MRTFA: variants seen among roughly 807,000 people sequenced by gnomAD.
MRTFA encodes myocardin related transcription factor A.
MRTFA carries 20 observed loss-of-function variants against 83.5 expected under a neutral mutation model. The ratio of observed to expected loss-of-function variants is 0.24; its 90% CI spans 0.17 to 0.35. The LOEUF is 0.35. Among genes scored for constraint, MRTFA ranks in the 10% least tolerant of loss-of-function variants. The probability of loss-of-function intolerance (pLI) is 1.00; values close to 1 mark genes in which losing one functional copy is unlikely to be tolerated. For synonymous variants in MRTFA, 659 were observed against 541.2 expected, an observed-to-expected ratio of 1.22 and a Z score of -3.02; for missense variants, 1,200 against 1,224.7, an observed-to-expected ratio of 0.98 and a Z score of 0.30.
rs372083854 is a variant in MRTFA, at chr22:40,516,613, G to C, written c.241+35493C>G. ...TAATTCCAACCCACAGAAACTATTA[G>C]CTACAACGGAAAAAATGTCTAATGT... On this transcript the variant is annotated intron_variant, in intron 3 of 14. Transcript: ENST00000355630. Among the ~76,000 whole-genome samples the C allele has an allele frequency of 3.9e-5, 6 of 152,144 alleles. No homozygotes were observed. In the East Asian group the frequency reaches 1.2e-3, roughly 29 times the overall value.
intron 3 of MRTFA, among the ~76,000 whole-genome samples, chr22:40,496,415 C>G (rs1429037623): frequency 6.8e-6 from 1 of 146,390 alleles, no homozygotes; most frequent in Admixed American, 6.9e-5. Flanking sequence ...TGGAATAGAA[C>G]AATCTATTTT....
chr22:40,497,199 T>TAGAGAAGGCCTCCAGGAGG (rs1426160856), intron 3 of MRTFA, among the ~76,000 whole-genome samples: 1 of 152,172 alleles, frequency 6.6e-6, no homozygotes, highest in Non-Finnish European at 1.5e-5. Context: ...GCTGGAGAGT[T>TAGAGAAGGCCTCCAGGAGG]AGAGAAGGCC....
chr22:40,474,676 A>T (rs1164503998), intron 3 of MRTFA, among the ~76,000 whole-genome samples: 1 of 152,236 alleles, frequency 6.6e-6, no homozygotes, highest in African/African-American at 2.4e-5. Flanking sequence ...CTGGGGATAC[A>T]GTAGTGACTG....
rs1165349569 is a variant in MRTFA at position 40,555,585 on chromosome 22, T to TA, written c.-21-3219_-21-3218insT. ...TTAAACCTCATAAATTAAAAAAAAT[T>TA]TTATATATATATATATATCTCCACT... On this transcript the variant is annotated intron_variant, in intron 2 of 14. Transcript: ENST00000355630. Among the ~76,000 whole-genome samples, 403 of 149,178 alleles carry TA rather than the reference T, an allele frequency of 2.7e-3. 1 individual carries two copies. Among genetic ancestry groups the TA allele is most frequent in the Middle Eastern group, 6.9e-3 (2 of 288 alleles).
At position 40,552,212 on chromosome 22, in the gene MRTFA, T is replaced by G; in HGVS notation, c.135A>C (p.Glu45Asp). 1 of 399,042 alleles carries G rather than the reference T, an allele frequency of 2.5e-6. No individual in the cohort carries two copies. The highest frequency in any genetic ancestry group is 4.4e-6 in the Non-Finnish European group (1 of 226,086). The allele number at this position is 399,042 out of a possible 1,614,324, so 24.7% of individuals were successfully genotyped here. Residue 45 changes from glutamate to aspartate, a missense_variant, in exon 3 of 15, where the codon GAA becomes GAC. Physicochemically the swap from Glu to Asp is conservative, Grantham distance 45. Transcript: ENST00000355630. The stretch of plus-strand genomic sequence containing the variant: ...GCTCCTGCAGTTCATTGGCAACAGC[T>G]TCACTCTGGGGACTGGGTGCCGCAG...
intron 3 of MRTFA, among the ~76,000 whole-genome samples, chr22:40,516,566 TA>T (rs1406577787): frequency 6.6e-6 from 1 of 151,800 alleles, no homozygotes; most frequent in African/African-American, 2.4e-5. Context: ...GTTCCTACTC[TA>T]AAGATATACA....
chr22:40,523,930 A>C (rs1358147655), intron 3 of MRTFA, among the ~76,000 whole-genome samples: 2 of 152,212 alleles, frequency 1.3e-5, no homozygotes, highest in African/African-American at 2.4e-5. Flanking sequence ...CAGTTCAAAA[A>C]ATCAAGTTTA....
intron 3 of MRTFA, among the ~76,000 whole-genome samples, chr22:40,464,031 G>C (rs1165081701): frequency 6.6e-6 from 1 of 152,028 alleles, no homozygotes; most frequent in Non-Finnish European, 1.5e-5. Flanking sequence ...AGGCACAGTG[G>C]CTCATGCCTA....
At chr22:40,421,329 G>T (rs990711570) in intron 9 of MRTFA, among the ~76,000 whole-genome samples, 1 of 152,074 alleles carries the variant, frequency 6.6e-6, no homozygotes, top group Non-Finnish European at 1.5e-5. Flanking sequence ...CCTGACCCCC[G>T]ACTTAAAAGC....
At chr22:40,613,547 C>T (rs187065478) in intron 1 of MRTFA, among the ~76,000 whole-genome samples, 15 of 152,264 alleles carry the variant, frequency 9.9e-5, no homozygotes, top group African/African-American at 3.6e-4. Context: ...AAAATGCTGT[C>T]TCACTGTGGT....
Position 40,429,715 on chromosome 22 carries a change from G to A in MRTFA, c.492C>T (p.Ala164=), listed in dbSNP as rs1178415025. 6.2e-7 allele frequency: 1 copy of A among 1,614,030 alleles called. No homozygotes were observed. The highest frequency in any genetic ancestry group is 1.3e-5 in the African/African-American group (1 of 74,994). The change falls in exon 7 of 15, where the codon GCC becomes GCT. Residue 164 remains alanine (A), a synonymous_variant. Coordinates refer to ENST00000355630, the MANE Select transcript of MRTFA (RefSeq NM_020831.6). ...TCTCATTGAGGTCATCGGCTAGTCT[G>A]GCTCTCTTCAGCTTCAGCTGCTTGG...
intron 3 of MRTFA, among the ~76,000 whole-genome samples, chr22:40,476,706 G>A (rs1465998933): frequency 6.6e-6 from 1 of 152,060 alleles, no homozygotes. Flanking sequence ...ACCCACCGCG[G>A]CCTCCCAAAG....
At chr22:40,586,147 A>AT (rs879494102) in intron 2 of MRTFA, among the ~76,000 whole-genome samples, 15 of 151,232 alleles carry the variant, frequency 9.9e-5, no homozygotes, top group Middle Eastern at 3.4e-3. Flanking sequence ...GAGAGTAATT[A>AT]TTTTTTTTTA....
At chr22:40,462,277 G>A (rs769246792) in intron 4 of MRTFA, among the ~76,000 whole-genome samples, 1 of 152,186 alleles carries the variant, frequency 6.6e-6, no homozygotes, top group Non-Finnish European at 1.5e-5. Flanking sequence ...CTGAGAGCAA[G>A]AGCTGGATTT....
At chr22:40,413,528 C>T (rs1441516780) in intron 14 of MRTFA, among the ~76,000 whole-genome samples, 1 of 151,960 alleles carries the variant, frequency 6.6e-6, no homozygotes, top group Non-Finnish European at 1.5e-5. Flanking sequence ...AGGCTGGTCT[C>T]GAACTCCTGA....
chr22:40,584,231 G>A (rs752373625), intron 2 of MRTFA, among the ~76,000 whole-genome samples: 13 of 152,158 alleles, frequency 8.5e-5, no homozygotes, highest in Non-Finnish European at 1.3e-4. Context: ...AATGGTTTCC[G>A]ATGCTAAGAA....
intron 3 of MRTFA, among the ~76,000 whole-genome samples, chr22:40,542,915 G>A (rs2055312562): frequency 6.6e-6 from 1 of 152,326 alleles, no homozygotes; most frequent in East Asian, 1.9e-4. Flanking sequence ...TCTGGGAGAT[G>A]AGATCCATTA....
At chr22:40,411,941 G>A in intron 14 of MRTFA, 34 bp from the exon 15 acceptor site, 1 of 1,450,972 alleles carries the variant, frequency 6.9e-7, no homozygotes, top group Non-Finnish European at 9.1e-7. Flanking sequence ...ATGGATATCA[G>A]AAGCCAAGCC....
At chr22:40,569,758 T>G in intron 2 of MRTFA, 1 of 151,182 alleles carries the variant, frequency 6.6e-6, no homozygotes. Flanking sequence ...CATACATACA[T>G]ACATACATAC....
Sources: allele counts gnomAD v4.1 joint callset (sites outside exome capture counted in the v4.1 genomes callset), GRCh38; gene constraint gnomAD v4.1.1; transcripts MANE v1.5; gene names NCBI Gene and HGNC (gene_info 2026-07-23, HGNC 2026-07-21).